The following USP12 variants were observed in gnomAD, a reference collection of about 807,000 sequenced individuals.
USP12 encodes ubiquitin carboxyl-terminal hydrolase 12.
USP12 carries 19 observed loss-of-function variants against 45.5 expected under a neutral mutation model. The ratio of observed to expected loss-of-function variants is 0.42; its 90% CI spans 0.29 to 0.61. USP12 has a LOEUF of 0.61. Ranked by LOEUF, USP12 falls within the 20% of genes least tolerant of loss-of-function variation. USP12 has a pLI of 0.22. For missense variants in USP12, 242 were observed against 447.7 expected (o/e 0.54, Z 4.15); for synonymous variants, 149 against 148.8 (o/e 1.00, Z -0.01).
At position 27,105,829 on chromosome 13, in the gene USP12, G is replaced by T. The variant is rs775780539; in HGVS notation, c.245C>A (p.Thr82Lys). The T allele has an allele frequency of 1.5e-5, 24 of 1,613,724 alleles. No homozygotes were observed. The highest frequency in any genetic ancestry group is 2.0e-5 in the Non-Finnish European group (24 of 1,179,828). Residue 82 changes from threonine (T) to lysine (K), a missense_variant, in exon 3 of 9, where the codon ACA becomes AAA. Physicochemically the swap from Thr to Lys is moderately conservative, Grantham distance 78 (BLOSUM62 -1). Coordinates refer to ENST00000282344, the MANE Select transcript of USP12 (RefSeq NM_182488.4). ...GCTATGGAAGAGATCTGCTAAGCAT[G>T]TAAGAAGGCTCTCCTTTTTCCTAGG... ...SQPRKKESLL[T>K]CLADLFHSIA...
At chr13:27,166,361 T>C (rs1486591004) in intron 1 of USP12, among the ~76,000 whole-genome samples, 1 of 152,220 alleles carries the variant, frequency 6.6e-6, no homozygotes, top group African/African-American at 2.4e-5. Context: ...ACAATAAAAG[T>C]TTCAGAAGAG....
At chr13:27,093,056 C>A (rs988440198) in intron 4 of USP12, among the ~76,000 whole-genome samples, 1 of 151,804 alleles carries the variant, frequency 6.6e-6, no homozygotes, top group Non-Finnish European at 1.5e-5. Context: ...ATTAGCCGGG[C>A]GTGGTGGCGC....
At chr13:27,171,462 CGGGCCGCCCAG>C in intron 1 of USP12, 119 bp downstream of exon 1, 1 of 149,090 alleles carries the variant, frequency 6.7e-6, no homozygotes, top group Non-Finnish European at 1.4e-5. Context: ...CCGGGCCGCC[CGGGCCGCCCAG>C]CCCGCCCGCC....
chr13:27,070,960 C>T (rs1276864738), intron 8 of USP12, 111 bp downstream of exon 8: 16 of 866,822 alleles, frequency 1.8e-5, no homozygotes, highest in Non-Finnish European at 2.8e-5. Flanking sequence ...TAGACCCAGA[C>T]ATTTGTCTCA....
At chr13:27,170,607 C>G (rs1171421585) in intron 1 of USP12, among the ~76,000 whole-genome samples, 1 of 152,328 alleles carries the variant, frequency 6.6e-6, no homozygotes, top group East Asian at 1.9e-4. Flanking sequence ...CACAAAACAC[C>G]AAGTTTTAAA....
chr13:27,083,246 T>C (rs1343713638), intron 6 of USP12, among the ~76,000 whole-genome samples: 5 of 152,164 alleles, frequency 3.3e-5, no homozygotes, highest in Admixed American at 1.3e-4. Flanking sequence ...ATGAAAAAGT[T>C]TGAAATAGTG....
intron 4 of USP12, among the ~76,000 whole-genome samples, chr13:27,091,562 T>C (rs903838509): frequency 3.3e-5 from 5 of 152,220 alleles, no homozygotes; most frequent in Non-Finnish European, 1.5e-5. Context: ...TGGACTAATA[T>C]GTCCTAATGT....
chr13:27,165,317 A>T (rs1298450777), intron 1 of USP12, among the ~76,000 whole-genome samples: 1 of 152,140 alleles, frequency 6.6e-6, no homozygotes, highest in Non-Finnish European at 1.5e-5. Context: ...CAATTTCAAA[A>T]TAAATTAGTG....
intron 6 of USP12, among the ~76,000 whole-genome samples, chr13:27,086,195 A>ATATATAT (rs1326329926): frequency 1.9e-3 from 119 of 61,940 alleles, no homozygotes; most frequent in East Asian, 0.012. Flanking sequence ...AAAAAAAAAA[A>ATATATAT]AAATATATAT....
chr13:27,089,156 C>G (rs772317280), intron 6 of USP12, among the ~76,000 whole-genome samples: 1 of 152,124 alleles, frequency 6.6e-6, no homozygotes, highest in Non-Finnish European at 1.5e-5. Flanking sequence ...GGATTCTGGA[C>G]AGAATCCTTC....
At chr13:27,085,497 G>GT (rs1565984265) in intron 6 of USP12, among the ~76,000 whole-genome samples, 1 of 151,908 alleles carries the variant, frequency 6.6e-6, no homozygotes, top group Non-Finnish European at 1.5e-5. Flanking sequence ...TTGATTTTTG[G>GT]TTTTTTACTA....
At chr13:27,168,124 C>A (rs185272881) in intron 1 of USP12, among the ~76,000 whole-genome samples, 110 of 152,292 alleles carry the variant, frequency 7.2e-4, no homozygotes, top group Non-Finnish European at 1.4e-3. Context: ...TAGCACCTAC[C>A]TTTACCAGCT....
intron 1 of USP12, among the ~76,000 whole-genome samples, chr13:27,126,986 C>A (rs531011300): frequency 6.6e-6 from 1 of 152,264 alleles, no homozygotes; most frequent in South Asian, 2.1e-4. Context: ...ATGAGTCTTT[C>A]AAAAAACACA....
chr13:27,082,615 C>T (rs1873810685), intron 6 of USP12, among the ~76,000 whole-genome samples: 1 of 152,208 alleles, frequency 6.6e-6, no homozygotes, highest in South Asian at 2.1e-4. Flanking sequence ...TGGCTTTCAA[C>T]GTGCCCTATT....
At chr13:27,110,624 T>G (rs1435951465) in intron 2 of USP12, among the ~76,000 whole-genome samples, 1 of 152,134 alleles carries the variant, frequency 6.6e-6, no homozygotes, top group African/African-American at 2.4e-5. Flanking sequence ...CGCTTAAGCT[T>G]AAGAGGTATG....
Position 27,073,491 on chromosome 13 carries a change from T to C in USP12, c.932+1700A>G, listed in dbSNP as rs143730921. Among the ~76,000 whole-genome samples the C allele has an allele frequency of 1.8e-3, 268 of 152,158 alleles. 2 individuals are homozygous for C. Among genetic ancestry groups the C allele is most frequent in the African/African-American group, 6.0e-3 (249 of 41,512 alleles). On this transcript the variant is annotated intron_variant, in intron 7 of 8. Transcript: ENST00000282344. ...GAAAGGGTCAAGAGACTTAAGGATT[T>C]AAGGCTGGGGAAAGAGTTGGGTTAA...
intron 2 of USP12, among the ~76,000 whole-genome samples, chr13:27,112,620 A>T (rs1233600182): frequency 6.6e-6 from 1 of 152,192 alleles, no homozygotes; most frequent in Non-Finnish European, 1.5e-5. Flanking sequence ...TTTTAAGTTA[A>T]CTAAAATTCA....
chr13:27,163,781 A>AAG (rs1878227999), intron 1 of USP12, among the ~76,000 whole-genome samples: 1 of 135,182 alleles, frequency 7.4e-6, no homozygotes, highest in Admixed American at 8.1e-5. Context: ...AAAAAAAAAA[A>AAG]AAAAGAAAAA....
chr13:27,100,118 G>A (rs1874798516), intron 3 of USP12, among the ~76,000 whole-genome samples: 1 of 152,174 alleles, frequency 6.6e-6, no homozygotes, highest in South Asian at 2.1e-4. Flanking sequence ...GCCAAGTCAT[G>A]CATAGAACCT....
Sources: allele counts gnomAD v4.1 joint callset (sites outside exome capture counted in the v4.1 genomes callset), GRCh38; gene constraint gnomAD v4.1.1; transcripts MANE v1.5; gene names NCBI Gene and HGNC (gene_info 2026-07-23, HGNC 2026-07-21).